Variants in ROBO2 observed in about 807,000 individuals in gnomAD.
The protein encoded by ROBO2 is roundabout guidance receptor 2, also known as roundabout homolog 2.
A neutral mutation model predicts 160.8 loss-of-function variants in ROBO2; 53 were observed. The observed-to-expected ratio is 0.33, with a 90% CI of 0.26 to 0.41. The LOEUF (loss-of-function observed/expected upper bound fraction) is 0.41, where lower values mean the gene tolerates loss of function less well. Ranked by LOEUF, ROBO2 falls within the 10% of genes least tolerant of loss-of-function variation. ROBO2 has a pLI of 1.00. For synonymous variants in ROBO2, 664 were observed against 611.7 expected, an observed-to-expected ratio of 1.09 and a Z score of -1.26; for missense variants, 1,577 against 1,722.4, an observed-to-expected ratio of 0.92 and a Z score of 1.49.
At chr3:76,425,234 G>C (rs2076165026) in intron 2 of ROBO2, among the ~76,000 whole-genome samples, 1 of 151,702 alleles carries the variant, frequency 6.6e-6, no homozygotes, top group Non-Finnish European at 1.5e-5. Context: ...CATAGTTAAT[G>C]TGTATTTTGC....
intron 24 of ROBO2, among the ~76,000 whole-genome samples, chr3:77,641,600 TATG>T (rs757319298): frequency 6.6e-6 from 1 of 152,080 alleles, no homozygotes; most frequent in Non-Finnish European, 1.5e-5. Context: ...GTATATTTTA[TATG>T]ATATTTGGTC....
chr3:77,614,741 C>CAAA (rs1559731421), intron 21 of ROBO2, among the ~76,000 whole-genome samples: 3 of 143,648 alleles, frequency 2.1e-5, no homozygotes, highest in Non-Finnish European at 3.0e-5. Context: ...AACCAACCAA[C>CAAA]CAACCAACCA....
intron 2 of ROBO2, among the ~76,000 whole-genome samples, chr3:77,458,947 C>T (rs549040852): frequency 1.3e-5 from 2 of 152,208 alleles, no homozygotes; most frequent in African/African-American, 4.8e-5. Context: ...GAACTTCTGT[C>T]TTTTCATTTA....
chr3:76,142,524 C>T (rs1026280976), intron 2 of ROBO2, among the ~76,000 whole-genome samples: 7 of 151,914 alleles, frequency 4.6e-5, no homozygotes, highest in Admixed American at 1.3e-4. Flanking sequence ...ATGGATGGTA[C>T]TGGAGATCAT....
At chr3:76,398,423 T>A (rs1032126446) in intron 2 of ROBO2, among the ~76,000 whole-genome samples, 12 of 151,888 alleles carry the variant, frequency 7.9e-5, no homozygotes, top group Non-Finnish European at 1.8e-4. Context: ...CATGTATACA[T>A]ATGTAACTAA....
intron 2 of ROBO2, among the ~76,000 whole-genome samples, chr3:76,597,783 G>A (rs745662612): frequency 8.6e-5 from 13 of 151,908 alleles, no homozygotes; most frequent in Non-Finnish European, 1.8e-4. Flanking sequence ...TTATAAGTGA[G>A]AACATATGGT....
chr3:76,396,227 G>T (rs1202766672), intron 2 of ROBO2, among the ~76,000 whole-genome samples: 1 of 152,112 alleles, frequency 6.6e-6, no homozygotes, highest in Non-Finnish European at 1.5e-5. Flanking sequence ...AAAACCACAT[G>T]ATTATCTCAA....
At chr3:76,370,117 A>C (rs2076031207) in intron 2 of ROBO2, among the ~76,000 whole-genome samples, 1 of 151,940 alleles carries the variant, frequency 6.6e-6, no homozygotes, top group Admixed American at 6.6e-5. Flanking sequence ...GTCAGATATG[A>C]TCCAACTGGT....
chr3:76,370,724 G>A (rs547585285), intron 2 of ROBO2, among the ~76,000 whole-genome samples: 5 of 151,878 alleles, frequency 3.3e-5, no homozygotes, highest in Middle Eastern at 3.4e-3. Context: ...TTGCACCAAA[G>A]GCATACTTTT....
intron 2 of ROBO2, among the ~76,000 whole-genome samples, chr3:76,629,163 C>A (rs552463744): frequency 6.6e-6 from 1 of 152,236 alleles, no homozygotes; most frequent in Non-Finnish European, 1.5e-5. Context: ...CTCAATGACA[C>A]AAATGGTTCA....
intron 2 of ROBO2, among the ~76,000 whole-genome samples, chr3:76,577,317 C>T (rs529302883): frequency 6.6e-6 from 1 of 151,968 alleles, no homozygotes; most frequent in African/African-American, 2.4e-5. Flanking sequence ...TTTTCTTTAT[C>T]CTCCATACCC....
chr3:76,864,943 A>G (rs1455157796), intron 2 of ROBO2, among the ~76,000 whole-genome samples: 1 of 152,104 alleles, frequency 6.6e-6, no homozygotes, highest in African/African-American at 2.4e-5. Context: ...AATTTTAACA[A>G]TGCACAATAT....
chr3:77,125,659 G>C (rs2075249412), intron 2 of ROBO2, among the ~76,000 whole-genome samples: 1 of 151,944 alleles, frequency 6.6e-6, no homozygotes, highest in Non-Finnish European at 1.5e-5. Flanking sequence ...GAGGAAATAT[G>C]AAAAAAAGTG....
At chr3:76,348,190 A>G (rs902125239) in intron 2 of ROBO2, among the ~76,000 whole-genome samples, 5 of 152,048 alleles carry the variant, frequency 3.3e-5, no homozygotes, top group African/African-American at 1.2e-4. Flanking sequence ...ACTGTCCGCC[A>G]TCATTCCACA....
At chr3:76,068,364 A>G (rs971809819) in intron 2 of ROBO2, among the ~76,000 whole-genome samples, 1 of 152,150 alleles carries the variant, frequency 6.6e-6, no homozygotes, top group African/African-American at 2.4e-5. Flanking sequence ...ATGGAAAGCC[A>G]CTGAAGACTT....
intron 2 of ROBO2, among the ~76,000 whole-genome samples, chr3:77,441,976 T>G (rs1176668677): frequency 2.6e-5 from 4 of 152,158 alleles, no homozygotes; most frequent in Non-Finnish European, 4.4e-5. Context: ...CCACAACACA[T>G]TTTAGACTTG....
chr3:76,101,257 A>G (rs1334582703), intron 2 of ROBO2, among the ~76,000 whole-genome samples: 3 of 152,194 alleles, frequency 2.0e-5, no homozygotes, highest in Admixed American at 1.3e-4. Context: ...AATCAATATT[A>G]TCATCATAGT....
chr3:76,132,860 T>C lies in ROBO2; in HGVS notation c.109+195258T>C, dbSNP rs72896521. Among the ~76,000 whole-genome samples the C allele has an allele frequency of 4.5e-3, 685 of 152,010 alleles. 6 individuals are homozygous for C. The highest frequency in any genetic ancestry group is 0.016 in the African/African-American group (650 of 41,478). Reference sequence around the variant, plus strand: ...AGAACAGTAGCAAAGTCACACACAGTAGTGGAAGCAAGTGAGCCATGGGAA... The same window carrying C: ...AGAACAGTAGCAAAGTCACACACAGCAGTGGAAGCAAGTGAGCCATGGGAA... On this transcript the variant is annotated intron_variant, in intron 2 of 26. Transcript: ENST00000487694.
chr3:76,268,153 TCA>T lies in ROBO2; in HGVS notation c.109+330552_109+330553del, dbSNP rs1281591409. ...AGGAAGGTGGTGTGTGCCTGTAGTC[TCA>T]GTTACTCAGGAGACGGAGGTGGGAG... is the stretch of plus-strand genomic sequence containing the variant. On this transcript the variant is annotated intron_variant, in intron 2 of 26. Coordinates refer to the ROBO2 transcript ENST00000487694. Among the ~76,000 whole-genome samples, 3 of 152,142 alleles carry T rather than the reference TCA, an allele frequency of 2.0e-5. No homozygotes were observed. In the East Asian group the frequency reaches 5.8e-4, roughly 30 times the overall value.
Sources: gnomAD v4.1 joint callset for allele counts (sites outside exome capture counted in the v4.1 genomes callset) on GRCh38, gnomAD v4.1.1 for gene constraint, MANE v1.5 for transcripts, NCBI Gene and HGNC (gene_info 2026-07-23, HGNC 2026-07-21) for gene names.